The following IGSF10 variants were observed in gnomAD, a reference collection of about 807,000 sequenced individuals.
The protein encoded by IGSF10 is immunoglobulin superfamily member 10.
A neutral mutation model predicts 128.2 loss-of-function variants in IGSF10; 126 were observed. The ratio of observed to expected loss-of-function variants is 0.98; its 90% CI spans 0.85 to 1.14. IGSF10 has a LOEUF of 1.14. IGSF10 is among the 50% of genes most tolerant of loss of function. The probability of loss-of-function intolerance (pLI) is 0.00; values close to 1 mark genes in which losing one functional copy is unlikely to be tolerated. For missense variants in IGSF10, 3,295 were observed against 3,149.8 expected (o/e 1.05, Z -1.10); for synonymous variants, 1,185 against 1,146.2 (o/e 1.03, Z -0.68).
At position 151,448,310 on chromosome 3, in the gene IGSF10, A is replaced by G. The variant is rs201684098; in HGVS notation, c.1671T>C (p.Asp557=). ...GVYHCISSNY[D]DADILTYRIT... ...TCCTATAGGTGAGAATATCTGCATCATCATAATTGCTGCTTATACAGTGAT... is the reference window on the plus strand; with the variant it reads ...TCCTATAGGTGAGAATATCTGCATCGTCATAATTGCTGCTTATACAGTGAT... Residue 557 remains aspartate (D), a synonymous_variant, in exon 6 of 8, where the codon GAT becomes GAC. Coordinates refer to ENST00000282466, the MANE Select transcript of IGSF10 (RefSeq NM_178822.5). 373 of 1,614,238 alleles carry G rather than the reference A, an allele frequency of 2.3e-4. 4 individuals carry two copies. In the East Asian group the frequency reaches 2.9e-3, roughly 12 times the overall value.
chr3:151,460,902 G>A, intron 1 of IGSF10, 44 bp downstream of exon 1: 1 of 984,326 alleles, frequency 1.0e-6, no homozygotes, highest in Non-Finnish European at 1.2e-6. Context: ...CAGCCGGCGT[G>A]GGGTTCCAGC....
the IGSF10 span, among the ~76,000 whole-genome samples, chr3:151,585,804 G>A: frequency 6.6e-6 from 1 of 152,080 alleles, no homozygotes; most frequent in Admixed American, 6.5e-5. Flanking sequence ...GTGCCTTGGT[G>A]AACTTAAAAA....
downstream of IGSF10, chr3:151,432,919 CTA>C: frequency 1.4e-6 from 1 of 707,776 alleles, no homozygotes; most frequent in East Asian, 3.1e-5. Flanking sequence ...TGACATTTTA[CTA>C]TATTTTATGC....
chr3:151,441,178 C>A (rs2108536523), intron 7 of IGSF10, among the ~76,000 whole-genome samples: 1 of 152,292 alleles, frequency 6.6e-6, no homozygotes, highest in East Asian at 1.9e-4. Context: ...CCCCTGCACC[C>A]AAGATCTGAT....
chr3:151,472,360 A>G, the IGSF10 span, among the ~76,000 whole-genome samples: 3 of 152,150 alleles, frequency 2.0e-5, no homozygotes, highest in Non-Finnish European at 4.4e-5. Context: ...AAATTAGAAA[A>G]TCTTTTTCCT....
In IGSF10 at chr3:151,448,953, A is replaced by T. The variant is rs1721373963; in HGVS notation, c.1028T>A (p.Ile343Asn). 3.1e-6 allele frequency: 5 copies of T among 1,614,216 alleles called. No individual in the cohort carries two copies. The highest frequency in any genetic ancestry group is 4.2e-6 in the Non-Finnish European group (5 of 1,180,020). ...GTAGTCATTTTCTTCAGTGAATGCA[A>T]TGGGTGATGTCCTTGAGGGCTTTTG... ...SIQKPSRTSPIAFTEENDYIV... is the reference protein window; with the variant it reads ...SIQKPSRTSPNAFTEENDYIV... The change falls in exon 6 of 8, where the codon ATT becomes AAT. Residue 343 changes from isoleucine (I) to asparagine (N), a missense_variant. Coordinates refer to ENST00000282466, the MANE Select transcript of IGSF10 (RefSeq NM_178822.5).
chr3:151,594,112 G>A, the IGSF10 span, among the ~76,000 whole-genome samples: 1 of 152,082 alleles, frequency 6.6e-6, no homozygotes, highest in East Asian at 1.9e-4. Context: ...TAGTTTCTAT[G>A]TGGTCTGTAC....
rs757648626 is a variant in IGSF10, at chr3:151,457,049, A to T, written c.301T>A (p.Phe101Ile). The T allele has an allele frequency of 1.2e-6, 2 of 1,614,066 alleles. No homozygotes were observed. Among genetic ancestry groups the T allele is most frequent in the Non-Finnish European group, 1.7e-6 (2 of 1,180,028 alleles). Residue 101 changes from phenylalanine to isoleucine, a missense_variant, in exon 4 of 8, where the codon TTC becomes ATC. Transcript: ENST00000282466. ...ACCTGCAAGGCCTGCAAATCTGAGA[A>T]GGTCTTGTCAGGGATTGTGTGAATG... Reference protein sequence around the residue: ...NGIHTIPDKTFSDLQALQVLK... With the variant: ...NGIHTIPDKTISDLQALQVLK...
chr3:151,506,599 C>T, the IGSF10 span, among the ~76,000 whole-genome samples: 1 of 151,982 alleles, frequency 6.6e-6, no homozygotes, highest in Admixed American at 6.6e-5. Context: ...CTTAAGTGAA[C>T]TTTTATTTGA....
At position 151,447,090 on chromosome 3, in the gene IGSF10, G is replaced by A. The variant is rs1721240901; in HGVS notation, c.2891C>T (p.Pro964Leu). The change falls in exon 6 of 8, where the codon CCC (proline) becomes CTC (leucine). Residue 964 changes from proline to leucine, a missense_variant. Physicochemically the swap from Pro to Leu is moderately conservative, Grantham distance 98 (BLOSUM62 -3). Coordinates refer to ENST00000282466, the MANE Select transcript of IGSF10 (RefSeq NM_178822.5). ...HQTSVREVSE[P>L]RHNHFYSHTT... Reference sequence around the variant, plus strand: ...GTGAGAATAGAAGTGATTGTGCCTGGGTTCACTCACTTCTCTTACAGATGT... The same window carrying A: ...GTGAGAATAGAAGTGATTGTGCCTGAGTTCACTCACTTCTCTTACAGATGT... The A allele has an allele frequency of 6.2e-7, 1 of 1,614,118 alleles. No homozygotes were observed. The highest frequency in any genetic ancestry group is 1.1e-5 in the South Asian group (1 of 91,076).
chr3:151,611,989 T>A, the IGSF10 span, among the ~76,000 whole-genome samples: 1 of 152,138 alleles, frequency 6.6e-6, no homozygotes, highest in Non-Finnish European at 1.5e-5. Flanking sequence ...ATGTGGAAAG[T>A]TGTAGAGCTC....
downstream of IGSF10, chr3:151,436,200 T>TTATTTTCTG (rs1462402310): frequency 1.3e-5 from 2 of 153,952 alleles, no homozygotes; most frequent in African/African-American, 4.8e-5. Context: ...AGTTCAGTGC[T>TTATTTTCTG]TATTTTCTGT....
the IGSF10 span, among the ~76,000 whole-genome samples, chr3:151,506,042 A>G: frequency 6.6e-6 from 1 of 151,896 alleles, no homozygotes; most frequent in Non-Finnish European, 1.5e-5. Flanking sequence ...ACCTCTGCCA[A>G]CCAGGTTCAA....
the IGSF10 span, among the ~76,000 whole-genome samples, chr3:151,561,896 A>C: frequency 2.6e-5 from 4 of 152,176 alleles, no homozygotes; most frequent in Non-Finnish European, 5.9e-5. Context: ...TACACAAATA[A>C]ATCATTGAAA....
chr3:151,454,662 G>C (rs1721691829), intron 4 of IGSF10, among the ~76,000 whole-genome samples: 1 of 151,634 alleles, frequency 6.6e-6, no homozygotes, highest in Non-Finnish European at 1.5e-5. Flanking sequence ...AGAGACTATT[G>C]ATTTTAATTT....
the IGSF10 span, among the ~76,000 whole-genome samples, chr3:151,604,137 A>T: frequency 1.9e-4 from 29 of 151,996 alleles, no homozygotes; most frequent in Non-Finnish European, 3.8e-4. Context: ...AGAATACTTT[A>T]AAGTATAGTA....
the IGSF10 span, among the ~76,000 whole-genome samples, chr3:151,571,141 G>A: frequency 1.3e-5 from 2 of 152,166 alleles, no homozygotes; most frequent in African/African-American, 2.4e-5. Flanking sequence ...TAGGCTTGTA[G>A]TATAGTTTGA....
chr3:151,558,859 G>A, the IGSF10 span, among the ~76,000 whole-genome samples: 1 of 152,210 alleles, frequency 6.6e-6, no homozygotes, highest in South Asian at 2.1e-4. Context: ...GAGTTTTGGA[G>A]AATTCTAGTG....
chr3:151,448,189 T>C lies in IGSF10; in HGVS notation c.1792A>G (p.Thr598Ala), dbSNP rs1560178392. 3.1e-6 allele frequency: 5 copies of C among 1,614,212 alleles called. No homozygotes were observed. Among genetic ancestry groups the C allele is most frequent in the Admixed American group, 3.3e-5 (2 of 60,032 alleles). Residue 598 changes from threonine (T) to alanine (A), a missense_variant, in exon 6 of 8, where the codon ACT becomes GCT. Coordinates refer to ENST00000282466, the MANE Select transcript of IGSF10 (RefSeq NM_178822.5). ...GETLDLPCHSTGIPDASISWV... is the reference protein window; with the variant it reads ...GETLDLPCHSAGIPDASISWV... Reference sequence around the variant, plus strand: ...CTAATAGAGGCATCTGGGATACCAGTAGAATGGCATGGAAGATCAAGTGTT... The same window carrying C: ...CTAATAGAGGCATCTGGGATACCAGCAGAATGGCATGGAAGATCAAGTGTT...
Sources: allele counts gnomAD v4.1 joint callset (sites outside exome capture counted in the v4.1 genomes callset), GRCh38; gene constraint gnomAD v4.1.1; transcripts MANE v1.5; gene names NCBI Gene and HGNC (gene_info 2026-07-23, HGNC 2026-07-21).